CSMD3: variants seen among roughly 807,000 people sequenced by gnomAD.
CSMD3 encodes CUB and Sushi multiple domains 3.
A neutral mutation model predicts 435.2 loss-of-function variants in CSMD3; 177 were observed. That is an observed-to-expected ratio of 0.41 (90% CI 0.36 to 0.46). The LOEUF is 0.46. Ranked by LOEUF, CSMD3 falls within the 20% of genes least tolerant of loss-of-function variation. The pLI is 0.34. For missense variants in CSMD3, 4,265 were observed against 4,504.6 expected, an observed-to-expected ratio of 0.95 and a Z score of 1.52; for synonymous variants, 1,656 against 1,520.5, an observed-to-expected ratio of 1.09 and a Z score of -2.07.
chr8:112,855,037 A>G (rs1430659164), intron 11 of CSMD3, among the ~76,000 whole-genome samples: 1 of 152,220 alleles, frequency 6.6e-6, no homozygotes, highest in Non-Finnish European at 1.5e-5. Context: ...TTCAAAGATT[A>G]AGAATAAAAG....
chr8:113,142,508 G>C (rs975109868), intron 4 of CSMD3, among the ~76,000 whole-genome samples: 1 of 151,104 alleles, frequency 6.6e-6, no homozygotes, highest in African/African-American at 2.4e-5. Flanking sequence ...TATAAAAGCA[G>C]TTCAATGAAA....
intron 13 of CSMD3, among the ~76,000 whole-genome samples, chr8:112,757,827 G>T (rs898885184): frequency 6.6e-6 from 1 of 151,214 alleles, no homozygotes; most frequent in African/African-American, 2.4e-5. Flanking sequence ...GCTGAGGCAG[G>T]AGGATTGCTT....
chr8:112,557,850 C>G (rs1444300285), intron 24 of CSMD3, among the ~76,000 whole-genome samples: 1 of 151,908 alleles, frequency 6.6e-6, no homozygotes, highest in Non-Finnish European at 1.5e-5. Context: ...AGCAAATTAT[C>G]AAACTCAAGG....
chr8:113,311,936 T>C (rs2093872501), intron 2 of CSMD3: 1 of 152,112 alleles, frequency 6.6e-6, no homozygotes, highest in African/African-American at 2.4e-5. Flanking sequence ...ATATAGTCTA[T>C]AAAATAAATA....
At chr8:112,777,173 A>G (rs2078267540) in intron 13 of CSMD3, among the ~76,000 whole-genome samples, 1 of 151,910 alleles carries the variant, frequency 6.6e-6, no homozygotes, top group South Asian at 2.1e-4. Context: ...TGTTATTGAT[A>G]AAATTCAGCA....
At chr8:113,389,256 C>A (rs1454821218) in intron 1 of CSMD3, among the ~76,000 whole-genome samples, 2 of 151,522 alleles carry the variant, frequency 1.3e-5, no homozygotes, top group African/African-American at 4.8e-5. Flanking sequence ...TTTATTATTT[C>A]TCATAAGGAA....
At chr8:113,127,023 T>G (rs951433240) in intron 4 of CSMD3, among the ~76,000 whole-genome samples, 1 of 152,012 alleles carries the variant, frequency 6.6e-6, no homozygotes, top group Non-Finnish European at 1.5e-5. Context: ...CCACACCAGG[T>G]GACAATTTCT....
intron 4 of CSMD3, among the ~76,000 whole-genome samples, chr8:113,158,911 A>G (rs528590245): frequency 6.6e-6 from 1 of 152,124 alleles, no homozygotes; most frequent in South Asian, 2.1e-4. Context: ...AAAAATAAAC[A>G]AGACGGTGCC....
At chr8:113,029,934 C>T (rs917166142) in intron 5 of CSMD3, among the ~76,000 whole-genome samples, 3 of 151,490 alleles carry the variant, frequency 2.0e-5, no homozygotes, top group Non-Finnish European at 3.0e-5. Context: ...GCAAAGTTTC[C>T]GCATAGATTA....
At chr8:113,322,662 T>C (rs550595605) in intron 1 of CSMD3, among the ~76,000 whole-genome samples, 32 of 152,336 alleles carry the variant, frequency 2.1e-4, no homozygotes, top group African/African-American at 6.7e-4. Flanking sequence ...TTTGATTCTA[T>C]AGATAAATTG....
At chr8:112,986,562 T>G (rs2130993853) in intron 6 of CSMD3, among the ~76,000 whole-genome samples, 1 of 152,252 alleles carries the variant, frequency 6.6e-6, no homozygotes, top group South Asian at 2.1e-4. Context: ...TCAACCATTT[T>G]AGTATTAAAA....
At chr8:113,250,465 A>T (rs1194624941) in intron 3 of CSMD3, among the ~76,000 whole-genome samples, 3 of 152,114 alleles carry the variant, frequency 2.0e-5, no homozygotes, top group Non-Finnish European at 4.4e-5. Flanking sequence ...GCCATCTTAA[A>T]CATTTTTTGT....
chr8:112,985,275 G>A (rs2085213639), intron 6 of CSMD3, among the ~76,000 whole-genome samples: 2 of 151,924 alleles, frequency 1.3e-5, no homozygotes, highest in African/African-American at 4.8e-5. Flanking sequence ...TTAGTCAGAG[G>A]TAGCAGATTA....
chr8:112,231,517 T>C lies in CSMD3; in HGVS notation c.10828+28A>G, dbSNP rs201502122. On this transcript the variant is annotated intron_variant, in intron 69 of 70. Coordinates refer to ENST00000297405, the MANE Select transcript of CSMD3 (RefSeq NM_198123.2). ...ATGATGTCTGGGATAATAACAGAAG[T>C]TCGTGAAAATCAAAATGAATACATT... 76 of 1,328,234 alleles carry C rather than the reference T, an allele frequency of 5.7e-5. No individual in the cohort carries two copies. In the East Asian group the frequency reaches 1.7e-3, roughly 29 times the overall value. 82.3% of individuals were successfully genotyped at this position (1,328,234 alleles called of 1,614,324 possible). A position where few individuals can be genotyped will look rare whatever the true frequency, so the allele number is the denominator to read the frequency against.
chr8:113,095,187 C>T (rs2090126251), intron 5 of CSMD3, among the ~76,000 whole-genome samples: 1 of 152,142 alleles, frequency 6.6e-6, no homozygotes, highest in African/African-American at 2.4e-5. Context: ...ATTCCAATCA[C>T]ACTGTCACTT....
At chr8:113,328,090 CACACACAG>C (rs888486007) in intron 1 of CSMD3, among the ~76,000 whole-genome samples, 7 of 151,436 alleles carry the variant, frequency 4.6e-5, no homozygotes, top group East Asian at 1.9e-4. Context: ...CACACACAGA[CACACACAG>C]ACACACACAC....
At chr8:112,605,496 G>C (rs1465644976) in intron 22 of CSMD3, among the ~76,000 whole-genome samples, 2 of 152,046 alleles carry the variant, frequency 1.3e-5, no homozygotes, top group Non-Finnish European at 2.9e-5. Context: ...AAGACCTGGA[G>C]ACCATTATCC....
chr8:112,897,468 A>G (rs2081979810), intron 10 of CSMD3, among the ~76,000 whole-genome samples: 1 of 151,268 alleles, frequency 6.6e-6, no homozygotes, highest in Non-Finnish European at 1.5e-5. Context: ...ATCTACCTGT[A>G]TGATTCTATT....
intron 58 of CSMD3, among the ~76,000 whole-genome samples, chr8:112,282,452 A>G (rs538045152): frequency 1.3e-5 from 2 of 152,240 alleles, no homozygotes; most frequent in East Asian, 1.9e-4. Context: ...TTTACTTGTT[A>G]TATATCATGA....
Sources: gnomAD v4.1 joint callset for allele counts (sites outside exome capture counted in the v4.1 genomes callset) on GRCh38, gnomAD v4.1.1 for gene constraint, MANE v1.5 for transcripts, NCBI Gene and HGNC (gene_info 2026-07-23, HGNC 2026-07-21) for gene names.